Variants in MSI1 observed in about 807,000 individuals in gnomAD.
The protein encoded by MSI1 is musashi RNA binding protein 1.
MSI1 carries 15 observed loss-of-function variants against 54.4 expected under a neutral mutation model. The observed-to-expected ratio is 0.28, with a 90% confidence interval of 0.18 to 0.42. The LOEUF (loss-of-function observed/expected upper bound fraction) is 0.42. Ranked by LOEUF, MSI1 falls within the 20% of genes least tolerant of loss-of-function variation. MSI1 has a pLI of 1.00. For missense variants in MSI1, 304 were observed against 506.0 expected (o/e 0.60, Z 3.83); for synonymous variants, 200 against 196.5 (o/e 1.02, Z -0.15).
In MSI1 at chr12:120,369,014, A is replaced by AGGCCGGGCCG; in HGVS notation, c.59+9_59+18dup. On this transcript the variant is annotated intron_variant, in intron 1 of 14. Coordinates refer to ENST00000257552, the MANE Select transcript of MSI1 (RefSeq NM_002442.4). Reference sequence around the variant, plus strand: ...GGGCCGGGGCGGGCGCGGGCCAAGCAGGCCGGGCCGGGCCGTACCAGGGGT... The same window carrying AGGCCGGGCCG: ...GGGCCGGGGCGGGCGCGGGCCAAGCAGGCCGGGCCGGGCCGGGCCGGGCCGTACCAGGGGT... 9.4e-7 allele frequency: 1 copy of AGGCCGGGCCG among 1,058,522 alleles called. No homozygotes were observed. The highest frequency in any genetic ancestry group is 1.1e-6 in the Non-Finnish European group (1 of 878,138). The allele number at this position is 1,058,522 out of a possible 1,614,324, so 65.6% of individuals were successfully genotyped here.
At chr12:120,340,738 C>T (rs1873637025), downstream of MSI1, among the ~76,000 whole-genome samples, 1 of 151,634 alleles carries the variant, frequency 6.6e-6, no homozygotes, top group South Asian at 2.1e-4. Flanking sequence ...GGTCTTGAAC[C>T]CCTGGCCTCA....
intron 5 of MSI1, among the ~76,000 whole-genome samples, chr12:120,364,482 AACAC>A (rs1875896484): frequency 6.6e-6 from 1 of 152,056 alleles, no homozygotes; most frequent in Non-Finnish European, 1.5e-5. Flanking sequence ...CCTTTCTCCC[AACAC>A]ACACAAGCCC....
At chr12:120,343,481 C>T (rs900537512) in intron 14 of MSI1, among the ~76,000 whole-genome samples, 16 of 152,154 alleles carry the variant, frequency 1.1e-4, no homozygotes, top group African/African-American at 3.9e-4. Context: ...GCCTTGGCCT[C>T]CCAAAGATCT....
rs1376107393 is a variant in MSI1 at position 120,342,884 on chromosome 12, G to T, written c.*243C>A. The T allele has an allele frequency of 6.7e-6, 1 of 150,262 alleles. No individual in the cohort carries two copies. Among genetic ancestry groups the T allele is most frequent in the Non-Finnish European group, 1.5e-5 (1 of 67,542 alleles). The allele number at this position is 150,262 out of a possible 1,614,324, so 9.3% of individuals were successfully genotyped here. ...ATCCAAAATAAATAAAAGCAGGGCC[G>T]GGAGAGGGGCGGGTGGGGATGGGGG... On this transcript the variant is annotated 3_prime_UTR_variant, in exon 15 of 15. Coordinates refer to ENST00000257552, the MANE Select transcript of MSI1 (RefSeq NM_002442.4).
chr12:120,348,850 G>A (rs529624688), intron 11 of MSI1, among the ~76,000 whole-genome samples: 15 of 152,044 alleles, frequency 9.9e-5, no homozygotes, highest in East Asian at 7.8e-4. Context: ...CCAAGACCGC[G>A]CCATTGCACT....
chr12:120,365,826 T>C (rs901625160), intron 4 of MSI1, among the ~76,000 whole-genome samples: 3 of 152,208 alleles, frequency 2.0e-5, no homozygotes, highest in Non-Finnish European at 4.4e-5. Context: ...ACTCGAACTC[T>C]GTGAGCCTCA....
In MSI1 at chr12:120,358,955, CT is replaced by C. The variant is rs754605964; in HGVS notation, c.451+49del. The C allele has an allele frequency of 4.5e-6, 7 of 1,551,472 alleles. No individual in the cohort carries two copies. The African/African-American group carries it at 8.2e-5, about 18-fold the overall frequency. ...AAGGGCAGCTGTGACCTGCAGCCCC[CT>C]GGCTGACCACGGGGCCCAGCCTGGG... On this transcript the variant is annotated intron_variant, in intron 7 of 14. Transcript: ENST00000257552.
In MSI1 at chr12:120,368,325, C is replaced by CG. The variant is rs1565895870; in HGVS notation, c.101-53_101-52insC. ...CAGCCCGGGCCCCGCGCCCTTCCCC[C>CG]CCCCCCGTCCTTTGCCCCCGGTGAC... On this transcript the variant is annotated intron_variant, in intron 2 of 14. Transcript: ENST00000257552. The surrounding 1 kb of genome is among the most constrained non-coding windows in gnomAD (Gnocchi z 6.6). The CG allele has an allele frequency of 3.4e-6, 5 of 1,457,542 alleles. No homozygotes were observed. The African/African-American group carries it at 1.1e-4, about 31-fold the overall frequency. 90.3% of individuals were successfully genotyped at this position (1,457,542 alleles called of 1,614,324 possible).
intron 6 of MSI1, among the ~76,000 whole-genome samples, chr12:120,362,709 C>A (rs962438291): frequency 1.3e-5 from 2 of 152,198 alleles, no homozygotes; most frequent in Non-Finnish European, 2.9e-5. Flanking sequence ...GTGCAAACTC[C>A]CAGGAGGCCA....
In MSI1 at chr12:120,341,744, T is replaced by A. The variant is rs1873683612; in HGVS notation, c.*1383A>T. On this transcript the variant is annotated 3_prime_UTR_variant, in exon 15 of 15. Coordinates refer to ENST00000257552, the MANE Select transcript of MSI1 (RefSeq NM_002442.4). ...TCTCAGGGCTGATAGGTTAAGCACC[T>A]CACACAGACAATTAACTCTCCAAAG... The A allele has an allele frequency of 6.6e-6, 1 of 150,384 alleles. No homozygotes were observed. The highest frequency in any genetic ancestry group is 6.7e-5 in the Admixed American group (1 of 15,016). The allele number at this position is 150,384 out of a possible 1,614,324, so 9.3% of individuals were successfully genotyped here.
Position 120,342,545 on chromosome 12 carries a change from G to A in MSI1, c.*582C>T, listed in dbSNP as rs1244621107. ...GGAGGCGGCCAGGGGCCCACACCCA[G>A]ATAGACACTTTGTTCTCAGCTGGTG... On this transcript the variant is annotated 3_prime_UTR_variant, in exon 15 of 15. Transcript: ENST00000257552. 6.6e-6 allele frequency: 1 copy of A among 151,236 alleles called. No individual in the cohort carries two copies. Among genetic ancestry groups the A allele is most frequent in the African/African-American group, 2.4e-5 (1 of 40,986 alleles). The allele number at this position is 151,236 out of a possible 1,614,324, so 9.4% of individuals were successfully genotyped here.
At chr12:120,352,385 G>A (rs1711769331) in intron 10 of MSI1, among the ~76,000 whole-genome samples, 1 of 152,112 alleles carries the variant, frequency 6.6e-6, no homozygotes, top group Non-Finnish European at 1.5e-5. Flanking sequence ...GTGTGTGTGT[G>A]TGTGTGTTGG....
chr12:120,351,833 CAAG>C (rs1331877584), intron 10 of MSI1, among the ~76,000 whole-genome samples: 1 of 150,992 alleles, frequency 6.6e-6, no homozygotes, highest in Non-Finnish European at 1.5e-5. Context: ...CTCAGCCTCC[CAAG>C]AAGCTGAGAC....
intron 10 of MSI1, among the ~76,000 whole-genome samples, chr12:120,351,674 C>T (rs1258021142): frequency 6.6e-6 from 1 of 151,234 alleles, no homozygotes; most frequent in Admixed American, 6.6e-5. Context: ...GGCTTGTTTC[C>T]TTCTTTTCTG....
At chr12:120,348,764 A>G (rs903678418) in intron 11 of MSI1, among the ~76,000 whole-genome samples, 7 of 152,022 alleles carry the variant, frequency 4.6e-5, no homozygotes, top group African/African-American at 1.7e-4. Context: ...GTGGTGGTGC[A>G]TGCCTGTAAT....
chr12:120,350,961 C>T (rs1005099909), intron 11 of MSI1, among the ~76,000 whole-genome samples: 1 of 152,180 alleles, frequency 6.6e-6, no homozygotes, highest in African/African-American at 2.4e-5. Context: ...TCAGCTGGCA[C>T]CGAGGGCAGG....
chr12:120,360,930 C>T (rs905593495), intron 6 of MSI1, among the ~76,000 whole-genome samples: 1 of 152,074 alleles, frequency 6.6e-6, no homozygotes, highest in Admixed American at 6.5e-5. Context: ...GCTGGGACTA[C>T]AGGTGTGCAC....
chr12:120,344,893 G>T (rs977508682), intron 14 of MSI1, among the ~76,000 whole-genome samples: 8 of 151,646 alleles, frequency 5.3e-5, no homozygotes, highest in African/African-American at 1.9e-4. Flanking sequence ...GCACATGCCT[G>T]TAATCCCAGC....
At chr12:120,355,782 A>G (rs1253865500) in intron 9 of MSI1, among the ~76,000 whole-genome samples, 2 of 152,208 alleles carry the variant, frequency 1.3e-5, no homozygotes, top group African/African-American at 4.8e-5. Context: ...ATGTTAAAGA[A>G]AAAAGAAAAG....
Sources: allele counts gnomAD v4.1 joint callset (sites outside exome capture counted in the v4.1 genomes callset), GRCh38; gene constraint gnomAD v4.1.1; non-coding constraint Gnocchi (gnomAD v3.1); transcripts MANE v1.5; gene names NCBI Gene and HGNC (gene_info 2026-07-23, HGNC 2026-07-21).